The following EYS variants were observed in gnomAD, a reference collection of about 807,000 sequenced individuals.
EYS encodes the protein protein eyes shut homolog.
A neutral mutation model predicts 282.1 loss-of-function variants in EYS; 250 were observed. The observed-to-expected ratio is 0.89, with a 90% CI of 0.80 to 0.98. The LOEUF is 0.98. Among genes scored for constraint, EYS ranks in the 50% least tolerant of loss-of-function variants. The pLI, the probability that EYS is intolerant of heterozygous loss-of-function variation, is 0.00. For synonymous variants in EYS, 1,355 were observed against 1,282.9 expected, an observed-to-expected ratio of 1.06 and a Z score of -1.20; for missense variants, 4,016 against 3,709.0, an observed-to-expected ratio of 1.08 and a Z score of -2.15.
intron 19 of EYS, among the ~76,000 whole-genome samples, chr6:64,844,568 C>T (rs988880044): frequency 6.6e-6 from 1 of 151,938 alleles, no homozygotes; most frequent in Non-Finnish European, 1.5e-5. Context: ...TTTTTGTAGA[C>T]CCTTCTTTCA....
intron 11 of EYS, among the ~76,000 whole-genome samples, chr6:65,314,610 T>G (rs1372650512): frequency 5.4e-5 from 7 of 129,770 alleles, no homozygotes; most frequent in African/African-American, 2.2e-4. Context: ...GTGTGTGTGT[T>G]TTCCAGCTAA....
chr6:65,251,627 C>G (rs944914906), intron 12 of EYS, among the ~76,000 whole-genome samples: 1 of 151,948 alleles, frequency 6.6e-6, no homozygotes, highest in African/African-American at 2.4e-5. Context: ...CCTGCAGCTG[C>G]TGTATGAGGA....
chr6:65,560,264 TATATAAC>T (rs1396745484), intron 2 of EYS, among the ~76,000 whole-genome samples: 1 of 144,512 alleles, frequency 6.9e-6, no homozygotes, highest in African/African-American at 2.5e-5. Flanking sequence ...TTATATATAA[TATATAAC>T]ATATAACATA....
intron 2 of EYS, among the ~76,000 whole-genome samples, chr6:65,537,518 G>GCACACA (rs3049757): frequency 6.6e-6 from 1 of 151,052 alleles, no homozygotes; most frequent in Non-Finnish European, 1.5e-5. Context: ...TATATAACAT[G>GCACACA]CACACACACA....
intron 12 of EYS, among the ~76,000 whole-genome samples, chr6:65,226,481 C>T (rs550529657): frequency 4.6e-5 from 7 of 152,206 alleles, no homozygotes; most frequent in African/African-American, 1.7e-4. Flanking sequence ...CTTGAACGGA[C>T]ATTTCTCTAA....
intron 14 of EYS, among the ~76,000 whole-genome samples, chr6:64,948,356 A>C (rs1014529962): frequency 1.3e-5 from 2 of 150,808 alleles, no homozygotes; most frequent in Admixed American, 6.6e-5. Flanking sequence ...TTCAACATTG[A>C]ATAATTGATT....
At chr6:65,075,191 C>T (rs191553804) in intron 12 of EYS, among the ~76,000 whole-genome samples, 1 of 151,842 alleles carries the variant, frequency 6.6e-6, no homozygotes, top group African/African-American at 2.4e-5. Flanking sequence ...GTGTTTGTAT[C>T]CCACCAAGAG....
At chr6:64,394,411 A>C (rs909581993) in intron 28 of EYS, among the ~76,000 whole-genome samples, 1 of 152,232 alleles carries the variant, frequency 6.6e-6, no homozygotes, top group African/African-American at 2.4e-5. Flanking sequence ...CCAAAACAGC[A>C]TGGCACTGGT....
chr6:64,450,649 C>A (rs1490445608), intron 26 of EYS, among the ~76,000 whole-genome samples: 1 of 152,124 alleles, frequency 6.6e-6, no homozygotes, highest in Admixed American at 6.6e-5. Context: ...GAAATGATAA[C>A]AAACTCTCTC....
intron 13 of EYS, among the ~76,000 whole-genome samples, chr6:65,049,600 A>C (rs1183149366): frequency 6.6e-6 from 1 of 151,726 alleles, no homozygotes; most frequent in African/African-American, 2.4e-5. Flanking sequence ...CTGGAAATGA[A>C]GAAAGGTACC....
chr6:64,957,487 T>C (rs1013173332), intron 14 of EYS, among the ~76,000 whole-genome samples: 1 of 151,846 alleles, frequency 6.6e-6, no homozygotes, highest in Non-Finnish European at 1.5e-5. Context: ...AAAAAAAAAT[T>C]AGGGAGAACG....
intron 24 of EYS, among the ~76,000 whole-genome samples, chr6:64,593,781 G>A (rs1213263065): frequency 6.6e-6 from 1 of 152,112 alleles, no homozygotes; most frequent in Non-Finnish European, 1.5e-5. Flanking sequence ...GTATTGGCTT[G>A]CAGTAGGAAT....
chr6:65,409,828 T>G (rs1310944472), intron 5 of EYS, among the ~76,000 whole-genome samples: 2 of 152,094 alleles, frequency 1.3e-5, no homozygotes, highest in African/African-American at 4.8e-5. Context: ...TTATATAATA[T>G]TAACTCATTT....
At chr6:65,328,057 AG>A (rs1769674315) in intron 11 of EYS, among the ~76,000 whole-genome samples, 1 of 151,560 alleles carries the variant, frequency 6.6e-6, no homozygotes, top group African/African-American at 2.4e-5. Flanking sequence ...ATTCATATAT[AG>A]GTTTTATACA....
chr6:64,122,238 G>A (rs1452609910), intron 31 of EYS, among the ~76,000 whole-genome samples: 1 of 152,008 alleles, frequency 6.6e-6, no homozygotes, highest in Non-Finnish European at 1.5e-5. Context: ...AACTGAGATT[G>A]GAAAATACAT....
intron 21 of EYS, among the ~76,000 whole-genome samples, chr6:64,816,184 A>T (rs1764737600): frequency 6.6e-6 from 1 of 152,102 alleles, no homozygotes; most frequent in Admixed American, 6.6e-5. Context: ...GGAACAGAAC[A>T]CGGTACCTAC....
intron 30 of EYS, among the ~76,000 whole-genome samples, chr6:64,252,826 C>T (rs889856834): frequency 7.2e-5 from 11 of 152,088 alleles, no homozygotes; most frequent in Non-Finnish European, 1.6e-4. Flanking sequence ...ATCTTATCAC[C>T]CTATACTGCA....
At chr6:65,271,308 G>C (rs796559030) in intron 12 of EYS, among the ~76,000 whole-genome samples, 2 of 151,206 alleles carry the variant, frequency 1.3e-5, no homozygotes, top group Admixed American at 6.6e-5. Context: ...GGGTATGAAG[G>C]CATGAGAACC....
At chr6:64,978,668 A>T (rs1770553537) in intron 14 of EYS, among the ~76,000 whole-genome samples, 1 of 151,976 alleles carries the variant, frequency 6.6e-6, no homozygotes, top group Non-Finnish European at 1.5e-5. Context: ...GAAAAGATTC[A>T]CAATTCTAGA....
Sources: gnomAD v4.1 joint callset for allele counts (sites outside exome capture counted in the v4.1 genomes callset) on GRCh38, gnomAD v4.1.1 for gene constraint, MANE v1.5 for transcripts, NCBI Gene and HGNC (gene_info 2026-07-23, HGNC 2026-07-21) for gene names.